SDK2: variants seen among roughly 807,000 people sequenced by gnomAD.
SDK2 encodes the protein protein sidekick-2.
Under a neutral mutation model 253.9 loss-of-function variants are expected in SDK2, and 105 were observed. The ratio of observed to expected loss-of-function variants is 0.41; its 90% CI spans 0.35 to 0.49. The LOEUF (loss-of-function observed/expected upper bound fraction) is 0.49. Among genes scored for constraint, SDK2 ranks in the 20% least tolerant of loss-of-function variants. The pLI, the probability that SDK2 is intolerant of heterozygous loss-of-function variation, is 0.06. For synonymous variants in SDK2, 1,249 were observed against 1,234.9 expected (o/e 1.01, Z -0.24); for missense variants, 2,608 against 3,003.0 (o/e 0.87, Z 3.07).
intron 30 of SDK2, among the ~76,000 whole-genome samples, chr17:73,387,148 C>A (rs2062879181): frequency 6.6e-6 from 1 of 152,210 alleles, no homozygotes; most frequent in African/African-American, 2.4e-5. Context: ...TTAGTAGAGA[C>A]AGGTTTTCAC....
At chr17:73,389,282 C>G (rs909861117) in intron 29 of SDK2, among the ~76,000 whole-genome samples, 3 of 146,414 alleles carry the variant, frequency 2.0e-5, no homozygotes, top group Non-Finnish European at 4.5e-5. Flanking sequence ...CTCGCAGGTT[C>G]AAGCGATTCT....
At chr17:73,398,742 AAGCAGCCCAGGTGATTCTCTTG>A (rs1423410778) in intron 22 of SDK2, among the ~76,000 whole-genome samples, 2 of 152,198 alleles carry the variant, frequency 1.3e-5, no homozygotes, top group African/African-American at 2.4e-5. Context: ...TGCTTTTAAC[AAGCAGCCCAGGTGATTCTCTTG>A]AACACCCCGG....
intron 28 of SDK2, among the ~76,000 whole-genome samples, chr17:73,391,221 T>C (rs1288324953): frequency 6.6e-6 from 1 of 152,176 alleles, no homozygotes; most frequent in Admixed American, 6.5e-5. Context: ...AGCCAACCCA[T>C]GACTCTTAAG....
At chr17:73,411,999 C>CGTATATATAT (rs1599539783) in intron 18 of SDK2, among the ~76,000 whole-genome samples, 1 of 39,142 alleles carries the variant, frequency 2.6e-5, no homozygotes, top group East Asian at 6.4e-4. Context: ...TATATATACA[C>CGTATATATAT]ACATATATAT....
chr17:73,617,923 C>T (rs992541564), intron 1 of SDK2, among the ~76,000 whole-genome samples: 1 of 152,050 alleles, frequency 6.6e-6, no homozygotes, highest in African/African-American at 2.4e-5. Flanking sequence ...GAGAACACAT[C>T]GAGATCTAAA....
At position 73,386,470 on chromosome 17, in the gene SDK2, C is replaced by T. The variant is rs769504258; in HGVS notation, c.4473G>A (p.Ser1491=). The change falls in exon 31 of 45, where the codon TCG becomes TCA. Residue 1491 remains serine, a synonymous_variant. Coordinates refer to ENST00000392650, the MANE Select transcript of SDK2 (RefSeq NM_001144952.2). ...CAGCCTGCAGGGTGGTCAGTGACTC[C>T]GACTCCTCGCTGAACTCGCTGTCGC... ...DIGDSEFSEE[S]ESLTTLQAAP... 9.6e-6 allele frequency: 15 copies of T among 1,559,726 alleles called. No homozygotes were observed. The highest frequency in any genetic ancestry group is 1.7e-4 in the Middle Eastern group (1 of 6,016).
rs1408458505 is a variant in SDK2 at position 73,379,589 on chromosome 17, AC to A, written c.4763-41del. The stretch of plus-strand genomic sequence containing the variant: ...GGGGGAGGGGAAGCACACTGAGGTC[AC>A]CGTCATTGCTGGGAAGGTGTCCCCA... On this transcript the variant is annotated intron_variant, in intron 34 of 44. Transcript: ENST00000392650. The surrounding 1 kb of genome is among the most constrained non-coding windows in gnomAD (Gnocchi z 4.5). The A allele has an allele frequency of 2.3e-6, 3 of 1,285,808 alleles. No homozygotes were observed. The highest frequency in any genetic ancestry group is 3.3e-6 in the Non-Finnish European group (3 of 900,214). 79.6% of individuals were successfully genotyped at this position (1,285,808 alleles called of 1,614,324 possible). A position where few individuals can be genotyped will look rare whatever the true frequency, so the allele number is the denominator to read the frequency against.
chr17:73,521,076 T>C (rs2064075217), intron 1 of SDK2: 1 of 148,376 alleles, frequency 6.7e-6, no homozygotes, highest in South Asian at 2.1e-4. Context: ...GGTCTCGCTC[T>C]GCTGCCCAGG....
intron 41 of SDK2, among the ~76,000 whole-genome samples, chr17:73,351,103 CT>C (rs140083285): frequency 0.41 from 58,754 of 141,934 alleles, 11,667 homozygotes; most frequent in East Asian, 0.71. Flanking sequence ...GTGTTAGCTA[CT>C]TTTTCCCCTT....
intron 1 of SDK2, among the ~76,000 whole-genome samples, chr17:73,537,114 TGCGTGTGCGG>T (rs1215477440): frequency 1.3e-5 from 2 of 152,076 alleles, no homozygotes; most frequent in Non-Finnish European, 2.9e-5. Flanking sequence ...TGTGCGTGCG[TGCGTGTGCGG>T]GCGCGCATCA....
rs1484148986 is a variant in SDK2 at position 73,483,695 on chromosome 17, ATATATATATATATTT to A, written c.225-11492_225-11478del. ...TATATATATATATTTATATATATAT[ATATATATATATATTT>A]TTTTTTTTTTTTAGTAGAGTTGGGG... is the stretch of plus-strand genomic sequence containing the variant. On this transcript the variant is annotated intron_variant, in intron 2 of 44. Transcript: ENST00000392650. Among the ~76,000 whole-genome samples the A allele has an allele frequency of 4.2e-3, 296 of 71,070 alleles. 12 individuals carry two copies. Among genetic ancestry groups the A allele is most frequent in the African/African-American group, 0.018 (288 of 15,686 alleles). The allele number at this position is 71,070 out of a possible 152,430, so 46.6% of individuals were successfully genotyped here.
rs538768441 is a variant in SDK2 at position 73,384,794 on chromosome 17, C to CA, written c.4570-784dup. 7.0e-4 allele frequency among the ~76,000 whole-genome samples: 106 copies of CA among 152,304 alleles called. 1 individual carries two copies. The highest frequency in any genetic ancestry group is 2.1e-3 in the African/African-American group (87 of 41,564). ...TTGAACCACTGTACTCCAGCCTGGG[C>CA]AACAGCGCAAGACTGTGTCTCAAAA... On this transcript the variant is annotated intron_variant, in intron 32 of 44. Transcript: ENST00000392650.
intron 2 of SDK2, among the ~76,000 whole-genome samples, chr17:73,499,333 G>A (rs1160001912): frequency 1.3e-5 from 2 of 152,240 alleles, no homozygotes; most frequent in Non-Finnish European, 2.9e-5. Context: ...TCTTCTCCCA[G>A]CTGCCAAGCC....
intron 1 of SDK2, among the ~76,000 whole-genome samples, chr17:73,568,823 G>A (rs535480685): frequency 2.8e-4 from 42 of 152,250 alleles, no homozygotes; most frequent in African/African-American, 8.7e-4. Flanking sequence ...GCAGAAGGAA[G>A]GAACATGCTT....
chr17:73,433,687 T>C lies in SDK2; in HGVS notation c.1312+45A>G, dbSNP rs752499468. 11 of 1,433,964 alleles carry C rather than the reference T, an allele frequency of 7.7e-6. No homozygotes were observed. The Middle Eastern group carries it at 1.4e-3, about 181-fold the overall frequency. 88.8% of individuals were successfully genotyped at this position (1,433,964 alleles called of 1,614,324 possible). A position where few individuals can be genotyped will look rare whatever the true frequency, so the allele number is the denominator to read the frequency against. ...CAGAGCCTAGTTCTGAAGACTCTTC[T>C]AGGCTATCACCCAGCCACACTCTCT... On this transcript the variant is annotated intron_variant, in intron 10 of 44. Coordinates refer to ENST00000392650, the MANE Select transcript of SDK2 (RefSeq NM_001144952.2).
intron 1 of SDK2, among the ~76,000 whole-genome samples, chr17:73,573,060 T>C (rs2045410460): frequency 6.6e-6 from 1 of 152,200 alleles, no homozygotes; most frequent in Admixed American, 6.5e-5. Flanking sequence ...GCCCTGCTAC[T>C]ATGGGGCAAC....
At chr17:73,567,076 T>C (rs749956834) in intron 1 of SDK2, among the ~76,000 whole-genome samples, 1 of 151,650 alleles carries the variant, frequency 6.6e-6, no homozygotes, top group African/African-American at 2.4e-5. Context: ...ATTTGGAAGG[T>C]CTTTGGGGAA....
intron 1 of SDK2, among the ~76,000 whole-genome samples, chr17:73,562,091 A>G (rs1432474707): frequency 6.6e-6 from 1 of 152,164 alleles, no homozygotes; most frequent in African/African-American, 2.4e-5. Context: ...TTGCCACTGC[A>G]CTCCAACCTG....
At chr17:73,562,448 T>G (rs779731289) in intron 1 of SDK2, among the ~76,000 whole-genome samples, 1 of 152,226 alleles carries the variant, frequency 6.6e-6, no homozygotes, top group Non-Finnish European at 1.5e-5. Context: ...ACTTGCCTGT[T>G]CCTCCCACCT....
Sources: gnomAD v4.1 joint callset for allele counts (sites outside exome capture counted in the v4.1 genomes callset) on GRCh38, gnomAD v4.1.1 for gene constraint, Gnocchi (gnomAD v3.1) non-coding constraint, MANE v1.5 for transcripts, NCBI Gene and HGNC (gene_info 2026-07-23, HGNC 2026-07-21) for gene names.